Variants in NOM1 observed in about 807,000 individuals in gnomAD.
NOM1 encodes nucleolar protein with MIF4G domain 1.
NOM1 carries 58 observed loss-of-function variants against 73.3 expected under a neutral mutation model. The ratio of observed to expected loss-of-function variants is 0.79; its 90% CI spans 0.64 to 0.99. The LOEUF (loss-of-function observed/expected upper bound fraction) is 0.99, where lower values mean the gene tolerates loss of function less well. Ranked by LOEUF, NOM1 falls within the 50% of genes least tolerant of loss-of-function variation. NOM1 has a pLI of 0.00. For missense variants in NOM1, 1,226 were observed against 1,131.9 expected (o/e 1.08, Z -1.19); for synonymous variants, 487 against 446.8 (o/e 1.09, Z -1.14).
In NOM1 at chr7:156,962,171, G is replaced by C. The variant is rs186581716; in HGVS notation, c.1653G>C (p.Thr551=). The change falls in exon 5 of 11, where the codon ACG becomes ACC. Residue 551 remains threonine, a synonymous_variant. Transcript: ENST00000275820. ...TGAAGATTCGGTTTATGCTAGAGAC[G>C]ATGTTGGCCCTGAAGAACAATGACA... is the stretch of plus-strand genomic sequence containing the variant. ...DQTRIRFMLE[T]MLALKNNDMR... is the part of the protein sequence containing the mutation. 6.2e-7 allele frequency: 1 copy of C among 1,613,964 alleles called. No homozygotes were observed. Among genetic ancestry groups the C allele is most frequent in the Admixed American group, 1.7e-5 (1 of 60,014 alleles).
chr7:156,959,164 G>A (rs777506132), intron 3 of NOM1, among the ~76,000 whole-genome samples: 13 of 151,222 alleles, frequency 8.6e-5, no homozygotes, highest in South Asian at 2.1e-4. Context: ...GTACAGTGGC[G>A]CAATCTCAGC....
rs75901898 is a variant in NOM1 at position 156,963,759 on chromosome 7, G to T, written c.1912-146G>T. The stretch of plus-strand genomic sequence containing the variant: ...ACTATGTGTTCCCCTTGCACAGAGG[G>T]GCGTTGCCCGAGAGTGGACTTGGTG... On this transcript the variant is annotated intron_variant, in intron 6 of 10. Transcript: ENST00000275820. The T allele has an allele frequency of 3.1e-3, 2,460 of 789,658 alleles. 46 individuals carry two copies. The highest frequency in any genetic ancestry group is 3.1e-3 in the East Asian group (116 of 37,168). 48.9% of individuals were successfully genotyped at this position (789,658 alleles called of 1,614,324 possible). A position where few individuals can be genotyped will look rare whatever the true frequency, so the allele number is the denominator to read the frequency against.
intron 5 of NOM1, 109 bp downstream of exon 5, chr7:156,962,370 TGAGTGAGAGTGCTCAGAGGCA>T (rs1286318169): frequency 1.1e-6 from 1 of 874,578 alleles, no homozygotes; most frequent in Non-Finnish European, 1.9e-6. Context: ...TGGTGTCTGG[TGAGTGAGAGTGCTCAGAGGCA>T]GAGTGAACGC....
At position 156,949,857 on chromosome 7, in the gene NOM1, G is replaced by A; in HGVS notation, c.120G>A (p.Lys40=). The A allele has an allele frequency of 6.7e-7, 1 of 1,486,774 alleles. No individual in the cohort carries two copies. The highest frequency in any genetic ancestry group is 8.9e-7 in the Non-Finnish European group (1 of 1,118,062). 92.1% of individuals were successfully genotyped at this position (1,486,774 alleles called of 1,614,324 possible). ...PRRGPAGGGE[K]ALKRLKLAVE... ...GCGGTCCTGCTGGCGGTGGGGAGAA[G>A]GCCCTGAAGAGGCTGAAGCTAGCGG... The change falls in exon 1 of 11, where the codon AAG becomes AAA. Residue 40 remains lysine, a synonymous_variant. Coordinates refer to ENST00000275820, the MANE Select transcript of NOM1 (RefSeq NM_138400.2).
At chr7:156,951,985 C>G (rs190031263) in intron 1 of NOM1, among the ~76,000 whole-genome samples, 6 of 152,326 alleles carry the variant, frequency 3.9e-5, no homozygotes, top group Non-Finnish European at 8.8e-5. Context: ...GGATTACCGA[C>G]ATGAGCCACC....
intron 7 of NOM1, 103 bp downstream of exon 7, chr7:156,964,129 G>T: frequency 8.0e-7 from 1 of 1,243,422 alleles, no homozygotes; most frequent in Non-Finnish European, 1.1e-6. Context: ...ATGCTGCCTA[G>T]GGAGGACTGG....
rs1259563225 is a variant in NOM1, at chr7:156,951,094, T to C, written c.987+370T>C. ...CGTGCCCGACTTTTAGAGTGAATTT[T>C]CTAAAACTCGAAGCTAATTTACAGC... On this transcript the variant is annotated intron_variant, in intron 1 of 10. Transcript: ENST00000275820. Among the ~76,000 whole-genome samples, 4 of 152,214 alleles carry C rather than the reference T, an allele frequency of 2.6e-5. No individual in the cohort carries two copies. The East Asian group carries it at 7.7e-4, about 29-fold the overall frequency.
At chr7:156,967,668 GCT>G (rs1805032857) in intron 9 of NOM1, among the ~76,000 whole-genome samples, 1 of 152,182 alleles carries the variant, frequency 6.6e-6, no homozygotes, top group Non-Finnish European at 1.5e-5. Flanking sequence ...GGGATTACAG[GCT>G]CATGCCACCA....
At chr7:156,969,284 C>T (rs1805081778) in intron 10 of NOM1, 88 bp downstream of exon 10, 1 of 856,150 alleles carries the variant, frequency 1.2e-6, no homozygotes, top group Admixed American at 2.1e-5. Flanking sequence ...CAAGGTTGTA[C>T]TATACGTGTA....
At position 156,969,109 on chromosome 7, in the gene NOM1, A is replaced by G. The variant is rs1805076811; in HGVS notation, c.2321A>G (p.Asp774Gly). The G allele has an allele frequency of 4.4e-6, 7 of 1,588,342 alleles. No homozygotes were observed. The highest frequency in any genetic ancestry group is 6.1e-6 in the Non-Finnish European group (7 of 1,156,390). ...TAGGTAGTTGAATTCAGTGAATTGG[A>G]CAAACCCAGAGTCCGTTTTTTACGA... ...ILKVVEFSELDKPRVRFLRKV... is the reference protein window; with the variant it reads ...ILKVVEFSELGKPRVRFLRKV... Residue 774 changes from aspartate (D) to glycine (G), a missense_variant, in exon 10 of 11, where the codon GAC becomes GGC. Physicochemically the swap from Asp to Gly is moderately conservative, Grantham distance 94. Transcript: ENST00000275820.
In NOM1 at chr7:156,950,462, C is replaced by T; in HGVS notation, c.725C>T (p.Ala242Val). 1.2e-6 allele frequency: 2 copies of T among 1,613,872 alleles called. No individual in the cohort carries two copies. Among genetic ancestry groups the T allele is most frequent in the South Asian group, 2.2e-5 (2 of 91,080 alleles). ...AGCAGTGGTGAGGAGGAGGAAGATG[C>T]CGGACAGACACTCCCCGAAAGTGAC... is the stretch of plus-strand genomic sequence containing the variant. Reference protein sequence around the residue: ...YDSSGEEEEDAGQTLPESDLE... With the variant: ...YDSSGEEEEDVGQTLPESDLE... Residue 242 changes from alanine (A) to valine (V), a missense_variant, in exon 1 of 11, where the codon GCC becomes GTC. Ala to Val is a moderately conservative substitution (Grantham distance 64). Coordinates refer to ENST00000275820, the MANE Select transcript of NOM1 (RefSeq NM_138400.2).
intron 3 of NOM1, among the ~76,000 whole-genome samples, chr7:156,958,410 C>G (rs1325746370): frequency 2.0e-5 from 3 of 152,192 alleles, no homozygotes; most frequent in African/African-American, 7.2e-5. Flanking sequence ...AGCGCAGCTG[C>G]GTTATTTAGG....
chr7:156,966,669 CG>C (rs1178460417), intron 8 of NOM1, among the ~76,000 whole-genome samples: 1 of 152,172 alleles, frequency 6.6e-6, no homozygotes, highest in African/African-American at 2.4e-5. Context: ...AGCACCTCGT[CG>C]GTTCACAGTG....
chr7:156,969,481 G>GGA (rs777605545), intron 10 of NOM1, 48 bp from the exon 11 acceptor site: 1 of 1,530,934 alleles, frequency 6.5e-7, no homozygotes, highest in East Asian at 2.3e-5. Flanking sequence ...TTGAGATCTA[G>GGA]GAGAGGCCAG....
intron 9 of NOM1, among the ~76,000 whole-genome samples, chr7:156,968,314 C>T (rs2134800092): frequency 6.6e-6 from 1 of 152,266 alleles, no homozygotes; most frequent in South Asian, 2.1e-4. Context: ...AGGCGTAGAG[C>T]TTTAGAGATG....
chr7:156,957,931 T>C (rs1489198368), intron 3 of NOM1, among the ~76,000 whole-genome samples: 1 of 152,256 alleles, frequency 6.6e-6, no homozygotes, highest in East Asian at 1.9e-4. Flanking sequence ...TTCCAGTTTA[T>C]CTTCATTGAA....
intron 4 of NOM1, among the ~76,000 whole-genome samples, chr7:156,961,508 G>A (rs1432110416): frequency 1.3e-5 from 2 of 152,134 alleles, no homozygotes; most frequent in East Asian, 3.8e-4. Flanking sequence ...GGGAATGGTT[G>A]TTAATGGGCT....
At chr7:156,956,485 T>C (rs566442040) in intron 3 of NOM1, among the ~76,000 whole-genome samples, 5 of 152,378 alleles carry the variant, frequency 3.3e-5, no homozygotes, top group African/African-American at 1.2e-4. Flanking sequence ...CGTGTTTTAA[T>C]TCTGTTCTTC....
intron 1 of NOM1, among the ~76,000 whole-genome samples, chr7:156,950,984 T>A (rs942811914): frequency 6.6e-6 from 1 of 152,240 alleles, no homozygotes; most frequent in Non-Finnish European, 1.5e-5. Context: ...AGCATCTTCA[T>A]TCTGTGTTTA....
Sources: allele counts gnomAD v4.1 joint callset (sites outside exome capture counted in the v4.1 genomes callset), GRCh38; gene constraint gnomAD v4.1.1; transcripts MANE v1.5; gene names NCBI Gene and HGNC (gene_info 2026-07-23, HGNC 2026-07-21).